The following CCAR1 variants were observed in gnomAD, a reference collection of about 807,000 sequenced individuals.
The protein encoded by CCAR1 is cell division cycle and apoptosis regulator protein 1.
CCAR1 carries 78 observed loss-of-function variants against 163.8 expected under a neutral mutation model. The ratio of observed to expected loss-of-function variants is 0.48; its 90% CI spans 0.40 to 0.57. CCAR1 has a LOEUF of 0.57. Ranked by LOEUF, CCAR1 falls within the 20% of genes least tolerant of loss-of-function variation. CCAR1 has a pLI of 0.00. For synonymous variants in CCAR1, 443 were observed against 460.7 expected (o/e 0.96, Z 0.49); for missense variants, 1,019 against 1,365.2 (o/e 0.75, Z 4.00).
rs981472933 is a variant in CCAR1 at position 68,786,483 on chromosome 10, A to T, written c.2734-63A>T. On this transcript the variant is annotated intron_variant, in intron 20 of 24. Coordinates refer to ENST00000265872, the MANE Select transcript of CCAR1 (RefSeq NM_018237.4). Reference sequence around the variant, plus strand: ...ATCTTATGCACAGTCTCCGTTTCTCACTTTTTGGGGGTAAAAAATTTGAAA... The same window carrying T: ...ATCTTATGCACAGTCTCCGTTTCTCTCTTTTTGGGGGTAAAAAATTTGAAA... 7.5e-5 allele frequency: 90 copies of T among 1,200,388 alleles called. 1 individual carries two copies. Among genetic ancestry groups the T allele is most frequent in the South Asian group, 4.9e-4 (32 of 64,964 alleles). The allele number at this position is 1,200,388 out of a possible 1,614,324, so 74.4% of individuals were successfully genotyped here.
Position 68,765,948 on chromosome 10 carries a change from T to C in CCAR1, c.2167T>C (p.Leu723=). ...ERQRRERRYI[L]PDEPAIIVHP... ...CCAGCGTCGAGAAAGAAGATATATT[T>C]TGCCTGATGAACCGGCCATCATTGT... Residue 723 remains leucine (L), a synonymous_variant, in exon 17 of 25, where the codon TTG becomes CTG. Coordinates refer to ENST00000265872, the MANE Select transcript of CCAR1 (RefSeq NM_018237.4). 1 of 1,614,070 alleles carries C rather than the reference T, an allele frequency of 6.2e-7. No individual in the cohort carries two copies. The highest frequency in any genetic ancestry group is 1.3e-5 in the African/African-American group (1 of 75,054).
intron 2 of CCAR1, among the ~76,000 whole-genome samples, chr10:68,735,420 G>A (rs558756738): frequency 8.4e-6 from 1 of 118,934 alleles, no homozygotes; most frequent in Admixed American, 1.1e-4. Flanking sequence ...GTTTTACTCT[G>A]TGAAAATCCC....
intron 16 of CCAR1, among the ~76,000 whole-genome samples, chr10:68,763,882 G>A (rs1270362393): frequency 6.6e-6 from 1 of 152,100 alleles, no homozygotes; most frequent in African/African-American, 2.4e-5. Flanking sequence ...AAGCATTTCA[G>A]TTTTATTTTG....
At chr10:68,781,965 C>G (rs2056741845) in intron 19 of CCAR1, among the ~76,000 whole-genome samples, 1 of 152,062 alleles carries the variant, frequency 6.6e-6, no homozygotes, top group African/African-American at 2.4e-5. Context: ...TGAGATAGGC[C>G]AAAAGCTAGT....
rs764620579 is a variant in CCAR1, at chr10:68,773,070, A to G, written c.2621A>G (p.Glu874Gly). The change falls in exon 19 of 25, where the codon GAA becomes GGA. Residue 874 changes from glutamate (E) to glycine (G), a missense_variant. By Grantham distance (98) the Glu-to-Gly change is moderately conservative. Transcript: ENST00000265872. Reference sequence around the variant, plus strand: ...AATCAAGATGAATATGACCCTATGGAAGCAGAAGAAGCTGAGGATGAAGAA... The same window carrying G: ...AATCAAGATGAATATGACCCTATGGGAGCAGAAGAAGCTGAGGATGAAGAA... ...DNNQDEYDPM[E>G]AEEAEDEEDD... is the part of the protein sequence containing the mutation. The G allele has an allele frequency of 2.6e-6, 4 of 1,552,380 alleles. No homozygotes were observed. In the East Asian group the frequency reaches 9.3e-5, roughly 36 times the overall value.
At chr10:68,751,088 C>T (rs1169333221) in intron 10 of CCAR1, among the ~76,000 whole-genome samples, 3 of 151,056 alleles carry the variant, frequency 2.0e-5, no homozygotes, top group African/African-American at 4.9e-5. Flanking sequence ...AGAGCAATGG[C>T]GCGATCTTGG....
At chr10:68,742,810 T>G (rs577322037) in intron 6 of CCAR1, among the ~76,000 whole-genome samples, 4 of 152,022 alleles carry the variant, frequency 2.6e-5, no homozygotes, top group Non-Finnish European at 5.9e-5. Context: ...GAGAATGGGA[T>G]TTCACCATGT....
At chr10:68,722,646 C>T in intron 2 of CCAR1, 69 bp downstream of exon 2, 2 of 1,233,402 alleles carry the variant, frequency 1.6e-6, no homozygotes, top group African/African-American at 1.5e-5. Flanking sequence ...GAATTAGGGC[C>T]GGGGGTGGTG....
chr10:68,753,853 C>T lies in CCAR1; in HGVS notation c.1120C>T (p.Pro374Ser), dbSNP rs2056367477. 4 of 1,607,456 alleles carry T rather than the reference C, an allele frequency of 2.5e-6. No homozygotes were observed. Among genetic ancestry groups the T allele is most frequent in the Non-Finnish European group, 3.4e-6 (4 of 1,174,652 alleles). ...VQFSKFSLDC[P>S]SCDMMELRRR... ...TCACTACTTATGTCTGTTTTTCAGTCCCAGTTGTGACATGATGGAACTAAG... is the reference window on the plus strand; with the variant it reads ...TCACTACTTATGTCTGTTTTTCAGTTCCAGTTGTGACATGATGGAACTAAG... Residue 374 changes from proline (P) to serine (S), a missense_variant and splice_region_variant, in exon 11 of 25, where the codon CCC (proline) becomes TCC (serine). Around this residue, in one of 4 missense-constraint regions of CCAR1, gnomAD observed 644 missense variants for 904.4 expected, o/e 0.71. Transcript: ENST00000265872.
rs540438904 is a variant in CCAR1 at position 68,770,889 on chromosome 10, G to A, written c.2299-317G>A. 2.6e-3 allele frequency among the ~76,000 whole-genome samples: 393 copies of A among 152,226 alleles called. 1 individual carries two copies. Among genetic ancestry groups the A allele is most frequent in the Middle Eastern group, 0.017 (5 of 294 alleles). On this transcript the variant is annotated intron_variant, in intron 17 of 24. Transcript: ENST00000265872. ...TCAGGAGATCGAGACCATCCTGGCT[G>A]ACATGGTGAAACCCTGTCTCTACTA...
rs756438659 is a variant in CCAR1, at chr10:68,771,211, A to T, written c.2304A>T (p.Ser768=). The T allele has an allele frequency of 1.1e-5, 17 of 1,584,900 alleles. No homozygotes were observed. The Admixed American group carries it at 1.4e-4, about 13-fold the overall frequency. The change falls in exon 18 of 25, where the codon TCA becomes TCT. Residue 768 remains serine (S), a synonymous_variant. Coordinates refer to ENST00000265872, the MANE Select transcript of CCAR1 (RefSeq NM_018237.4). ...EDNKEHSFEV[S]LFAELFNEML... ...ATGTTGATATCTTTTTATAGGTTTC[A>T]TTGTTTGCGGAACTTTTCAACGAAA...
intron 12 of CCAR1, 78 bp downstream of exon 12, chr10:68,754,905 C>T: frequency 1.3e-6 from 1 of 771,098 alleles, no homozygotes; most frequent in Non-Finnish European, 2.2e-6. Context: ...AAATCTAAAG[C>T]CCTACATTTT....
intron 9 of CCAR1, 70 bp downstream of exon 9, chr10:68,749,335 C>G (rs1378823536): frequency 1.4e-6 from 2 of 1,393,378 alleles, no homozygotes; most frequent in Non-Finnish European, 9.7e-7. Context: ...GTTAATGCCA[C>G]TGAACTATGC....
intron 19 of CCAR1, among the ~76,000 whole-genome samples, chr10:68,781,521 C>A (rs758592065): frequency 6.6e-6 from 1 of 152,026 alleles, no homozygotes; most frequent in Non-Finnish European, 1.5e-5. Flanking sequence ...GCCTGGGCAA[C>A]AGAGCAAGAC....
chr10:68,781,563 A>G (rs573859136), intron 19 of CCAR1, among the ~76,000 whole-genome samples: 1 of 151,844 alleles, frequency 6.6e-6, no homozygotes, highest in East Asian at 1.9e-4. Flanking sequence ...AATTAGGCCA[A>G]TTAATAATTA....
chr10:68,728,129 G>A (rs1564527171), intron 2 of CCAR1, among the ~76,000 whole-genome samples: 2 of 152,206 alleles, frequency 1.3e-5, no homozygotes, highest in South Asian at 4.1e-4. Flanking sequence ...GAGCCACTGT[G>A]CCCGGCCTTA....
chr10:68,723,259 C>CT (rs2055886928), intron 2 of CCAR1, among the ~76,000 whole-genome samples: 1 of 150,580 alleles, frequency 6.6e-6, no homozygotes, highest in Non-Finnish European at 1.5e-5. Context: ...GTAGCTGGGA[C>CT]TACAGGCACC....
At chr10:68,737,076 G>A (rs998609110) in intron 3 of CCAR1, 28 bp downstream of exon 3, 2 of 1,555,008 alleles carry the variant, frequency 1.3e-6, no homozygotes, top group Non-Finnish European at 1.8e-6. Flanking sequence ...CTTATTATTT[G>A]ATGTAGAAAA....
In CCAR1 at chr10:68,756,366, C is replaced by G; in HGVS notation, c.1719C>G (p.Phe573Leu). The part of the protein sequence containing the change: ...PAHVETVVLF[F>L]PDVWHCLPTR... ...ATGTGGAGACAGTGGTTTTATTTTT[C>G]CCGGATGTTTGGCATTGCCTTCCCA... The change falls in exon 14 of 25, where the codon TTC becomes TTG. Residue 573 changes from phenylalanine (F) to leucine (L), a missense_variant. By Grantham distance (22) the Phe-to-Leu change is conservative (BLOSUM62 0). Transcript: ENST00000265872. The surrounding 1 kb of genome is among the most constrained non-coding windows in gnomAD (Gnocchi z 5.1). 6.2e-7 allele frequency: 1 copy of G among 1,614,026 alleles called. No individual in the cohort carries two copies. Among genetic ancestry groups the G allele is most frequent in the Non-Finnish European group, 8.5e-7 (1 of 1,179,976 alleles).
Sources: gnomAD v4.1 joint callset for allele counts (sites outside exome capture counted in the v4.1 genomes callset) on GRCh38, gnomAD v4.1.1 for gene constraint, gnomAD v4.1.1 regional missense constraint, Gnocchi (gnomAD v3.1) non-coding constraint, MANE v1.5 for transcripts, NCBI Gene and HGNC (gene_info 2026-07-23, HGNC 2026-07-21) for gene names.